The following CNTN3 variants were observed in gnomAD, a reference collection of about 807,000 sequenced individuals.
The protein encoded by CNTN3 is contactin 3.
CNTN3 carries 60 observed loss-of-function variants against 119.1 expected under a neutral mutation model. That is an observed-to-expected ratio of 0.50 (90% CI 0.41 to 0.62). The LOEUF (loss-of-function observed/expected upper bound fraction) is 0.62. Ranked by LOEUF, CNTN3 falls within the 20% of genes least tolerant of loss-of-function variation. The pLI is 0.00. For synonymous variants in CNTN3, 450 were observed against 438.7 expected, an observed-to-expected ratio of 1.03 and a Z score of -0.32; for missense variants, 1,101 against 1,242.4, an observed-to-expected ratio of 0.89 and a Z score of 1.71.
Position 74,266,376 on chromosome 3 carries a change from AG to A in CNTN3, c.2986+104del, listed in dbSNP as rs1701659960. The A allele has an allele frequency of 2.5e-6, 3 of 1,197,810 alleles. No individual in the cohort carries two copies. In the Admixed American group the frequency reaches 6.2e-5, roughly 25 times the overall value. 74.2% of individuals were successfully genotyped at this position (1,197,810 alleles called of 1,614,324 possible). ...AAAACCTTACCGGCATTTGGATGTA[AG>A]CCTTGCTGGAAAGAAAGAATGGACA... On this transcript the variant is annotated intron_variant, in intron 22 of 22. Transcript: ENST00000263665.
intron 1 of CNTN3, among the ~76,000 whole-genome samples, chr3:74,569,256 T>A (rs1704273975): frequency 6.6e-6 from 1 of 152,152 alleles, no homozygotes; most frequent in African/African-American, 2.4e-5. Context: ...AGCATTAAAC[T>A]GAAAATGCCT....
intron 5 of CNTN3, among the ~76,000 whole-genome samples, chr3:74,379,580 GT>G (rs1474246267): frequency 1.3e-5 from 2 of 152,178 alleles, no homozygotes; most frequent in Non-Finnish European, 2.9e-5. Context: ...CTGGAAGCTA[GT>G]TTGTATTTTT....
At chr3:74,562,882 C>G (rs6549630) in intron 1 of CNTN3, among the ~76,000 whole-genome samples, 150,367 of 152,234 alleles carry the variant, frequency 0.99, 74,272 homozygotes, top group Middle Eastern at 1. Flanking sequence ...GCAATTAAAA[C>G]CAGTCAAAAT....
At chr3:74,354,484 T>G (rs897770919) in intron 11 of CNTN3, among the ~76,000 whole-genome samples, 14 of 152,214 alleles carry the variant, frequency 9.2e-5, no homozygotes, top group African/African-American at 2.7e-4. Flanking sequence ...CAATGTTAGT[T>G]TCCTTAAAAG....
At chr3:74,490,469 G>T (rs142232681) in intron 3 of CNTN3, among the ~76,000 whole-genome samples, 201 of 152,226 alleles carry the variant, frequency 1.3e-3, no homozygotes, top group Middle Eastern at 3.4e-3. Context: ...CTGTTTAGCT[G>T]AAGAATAATC....
intron 1 of CNTN3, among the ~76,000 whole-genome samples, chr3:74,576,094 T>C (rs1704411512): frequency 6.6e-6 from 1 of 152,116 alleles, no homozygotes; most frequent in Non-Finnish European, 1.5e-5. Context: ...CCTCCTAATG[T>C]GAAGACCCCT....
chr3:74,437,347 A>G (rs1036275385), intron 4 of CNTN3, among the ~76,000 whole-genome samples: 1 of 152,104 alleles, frequency 6.6e-6, no homozygotes, highest in African/African-American at 2.4e-5. Flanking sequence ...CTGTAGTCCC[A>G]GCTACTCGGG....
At chr3:74,374,087 C>A (rs1016430530) in intron 5 of CNTN3, among the ~76,000 whole-genome samples, 6 of 152,056 alleles carry the variant, frequency 3.9e-5, no homozygotes, top group African/African-American at 1.4e-4. Context: ...TCGTTCCTGC[C>A]CCATGAAGGA....
chr3:74,579,315 T>C (rs1393472768), intron 1 of CNTN3, among the ~76,000 whole-genome samples: 1 of 151,376 alleles, frequency 6.6e-6, no homozygotes, highest in Non-Finnish European at 1.5e-5. Flanking sequence ...TTGAAGACTT[T>C]AAAAGCACTC....
At chr3:74,356,043 AAAG>A (rs1173000809) in intron 11 of CNTN3, among the ~76,000 whole-genome samples, 2 of 152,016 alleles carry the variant, frequency 1.3e-5, no homozygotes, top group Non-Finnish European at 2.9e-5. Flanking sequence ...GTGATGGTAT[AAAG>A]AAGGGGGGCC....
chr3:74,551,362 GAAGA>G (rs1703987225), intron 1 of CNTN3, among the ~76,000 whole-genome samples: 2 of 152,242 alleles, frequency 1.3e-5, no homozygotes, highest in African/African-American at 4.8e-5. Flanking sequence ...GCAAAACTGA[GAAGA>G]AAGTACAAAG....
At chr3:74,321,893 T>A (rs1703002578) in intron 13 of CNTN3, among the ~76,000 whole-genome samples, 1 of 152,058 alleles carries the variant, frequency 6.6e-6, no homozygotes, top group African/African-American at 2.4e-5. Context: ...ATTGAATCAA[T>A]GATTAATAAT....
intron 1 of CNTN3, among the ~76,000 whole-genome samples, chr3:74,545,140 A>T (rs1703896849): frequency 6.6e-6 from 1 of 152,202 alleles, no homozygotes; most frequent in African/African-American, 2.4e-5. Context: ...AGTAAAAGTA[A>T]TTGTAATAAT....
chr3:74,502,812 T>C (rs1703189135), intron 2 of CNTN3, among the ~76,000 whole-genome samples: 1 of 152,110 alleles, frequency 6.6e-6, no homozygotes, highest in Non-Finnish European at 1.5e-5. Context: ...TTTCCACCAG[T>C]CACAGATATC....
chr3:74,336,309 T>A (rs1342039192), intron 12 of CNTN3, among the ~76,000 whole-genome samples: 1 of 152,146 alleles, frequency 6.6e-6, no homozygotes, highest in Non-Finnish European at 1.5e-5. Context: ...TCTTATTGCC[T>A]ATCAACCCAG....
intron 1 of CNTN3, among the ~76,000 whole-genome samples, chr3:74,600,755 A>G (rs919246127): frequency 3.3e-5 from 5 of 152,074 alleles, no homozygotes; most frequent in African/African-American, 1.2e-4. Flanking sequence ...GTAGCCGCTA[A>G]AACACACTCT....
rs912544475 is a variant in CNTN3, at chr3:74,526,128, C to T, written c.-80-4936G>A. Among the ~76,000 whole-genome samples, 2 of 151,790 alleles carry T rather than the reference C, an allele frequency of 1.3e-5. 1 individual carries two copies. Among genetic ancestry groups the T allele is most frequent in the African/African-American group, 4.8e-5 (2 of 41,388 alleles). ...ACTGTAAGGATTGCTTAATACACCA[C>T]CCTCTCTTGCATCTACAAAAAGTCA... On this transcript the variant is annotated intron_variant, in intron 1 of 22. Coordinates refer to ENST00000263665, the MANE Select transcript of CNTN3 (RefSeq NM_020872.3).
In CNTN3 at chr3:74,365,612, T is replaced by C; in HGVS notation, c.1037A>G (p.Lys346Arg). 6.2e-7 allele frequency: 1 copy of C among 1,613,550 alleles called. No individual in the cohort carries two copies. The highest frequency in any genetic ancestry group is 8.5e-7 in the Non-Finnish European group (1 of 1,179,594). ...YWECRASGKP[K>R]PSYRWLKNGA... The stretch of plus-strand genomic sequence containing the variant: ...ATTTTTCAGCCATCGGTAGGAAGGC[T>C]TGGGCTTGCCGCTTGCCCTGCATTC... The change falls in exon 9 of 23, where the codon AAG becomes AGG. Residue 346 changes from lysine (K) to arginine (R), a missense_variant. Coordinates refer to ENST00000263665, the MANE Select transcript of CNTN3 (RefSeq NM_020872.3).
intron 1 of CNTN3, among the ~76,000 whole-genome samples, chr3:74,612,764 A>G (rs1705104196): frequency 6.6e-6 from 1 of 152,210 alleles, no homozygotes; most frequent in South Asian, 2.1e-4. Flanking sequence ...TCAAGCAAGT[A>G]TTCAAAGACC....
Sources: gnomAD v4.1 joint callset for allele counts (sites outside exome capture counted in the v4.1 genomes callset) on GRCh38, gnomAD v4.1.1 for gene constraint, MANE v1.5 for transcripts, NCBI Gene and HGNC (gene_info 2026-07-23, HGNC 2026-07-21) for gene names.